The following CABIN1 variants were observed in gnomAD, a reference collection of about 807,000 sequenced individuals.
CABIN1 encodes the protein calcineurin binding protein 1.
In CABIN1, 133 loss-of-function variants were observed where a neutral mutation model predicts 227.7. The observed-to-expected ratio is 0.58, with a 90% CI of 0.51 to 0.67. The LOEUF is 0.67. Ranked by LOEUF, CABIN1 falls within the 30% of genes least tolerant of loss-of-function variation. The pLI is 0.00. For synonymous variants in CABIN1, 1,086 were observed against 1,155.1 expected (o/e 0.94, Z 1.21); for missense variants, 2,408 against 2,852.5 (o/e 0.84, Z 3.55).
intron 28 of CABIN1, among the ~76,000 whole-genome samples, chr22:24,122,176 TTGA>T (rs1316098369): frequency 2.0e-5 from 3 of 152,026 alleles, no homozygotes; most frequent in African/African-American, 7.2e-5. Context: ...GCCCCTTCTC[TTGA>T]TGATTTTTTT....
At chr22:24,051,129 A>G (rs964952829) in intron 8 of CABIN1, among the ~76,000 whole-genome samples, 155 bp downstream of exon 8, 9 of 152,162 alleles carry the variant, frequency 5.9e-5, no homozygotes, top group African/African-American at 2.2e-4. Flanking sequence ...TTGGAGGTGC[A>G]TGCTTACTTG....
intron 6 of CABIN1, among the ~76,000 whole-genome samples, chr22:24,048,548 G>A (rs1947827454): frequency 6.6e-6 from 1 of 152,140 alleles, no homozygotes; most frequent in South Asian, 2.1e-4. Flanking sequence ...AGCCTCCTGA[G>A]TAGCTGAGAC....
intron 29 of CABIN1, chr22:24,155,964 C>T (rs951811616): frequency 1.9e-6 from 1 of 525,892 alleles, no homozygotes; most frequent in Admixed American, 4.2e-5. Flanking sequence ...CCCCGTCCGG[C>T]CGCGCCTGCC....
At chr22:24,060,617 GT>G in intron 12 of CABIN1, among the ~76,000 whole-genome samples, 1 of 152,190 alleles carries the variant, frequency 6.6e-6, no homozygotes, top group East Asian at 1.9e-4. Context: ...TGAGGCTTTT[GT>G]TGTTGTTGTT....
chr22:24,059,452 T>C, intron 11 of CABIN1, 89 bp downstream of exon 11: 1 of 1,505,542 alleles, frequency 6.6e-7, no homozygotes, highest in Non-Finnish European at 9.1e-7. Flanking sequence ...GGGAGAATGG[T>C]TCTGGGGTGT....
chr22:24,136,796 A>T (rs1393523460), intron 29 of CABIN1, among the ~76,000 whole-genome samples: 3 of 151,916 alleles, frequency 2.0e-5, no homozygotes, highest in African/African-American at 7.3e-5. Context: ...CCTATGAAGC[A>T]CTGCCTTGAC....
chr22:24,153,752 C>T (rs2045624355), intron 29 of CABIN1, among the ~76,000 whole-genome samples: 1 of 152,144 alleles, frequency 6.6e-6, no homozygotes, highest in Non-Finnish European at 1.5e-5. Flanking sequence ...ACCAAGGAAG[C>T]TGGAACCCAC....
chr22:24,028,576 C>G (rs2036266048), intron 1 of CABIN1, among the ~76,000 whole-genome samples: 1 of 148,432 alleles, frequency 6.7e-6, no homozygotes, highest in Non-Finnish European at 1.5e-5. Context: ...TCGTTTTTTT[C>G]CAGCCCTTGT....
chr22:24,038,509 G>A, intron 4 of CABIN1, 48 bp downstream of exon 4: 3 of 1,319,726 alleles, frequency 2.3e-6, no homozygotes, highest in Non-Finnish European at 3.3e-6. Context: ...TTAGTGCATG[G>A]GCTGTGGGGC....
In CABIN1 at chr22:24,072,505, A is replaced by G; in HGVS notation, c.2627A>G (p.Glu876Gly). ...CHQQQLQNPA[E>G]EGMSETPMLP... ...CAGCAGCAGCTCCAAAACCCAGCGG[A>G]GGAAGGTGCACAGGCAGTGGGTGCA... The change falls in exon 18 of 37, where the codon GAG (glutamate) becomes GGG (glycine). Residue 876 changes from glutamate to glycine, a missense_variant. By Grantham distance (98) the Glu-to-Gly change is moderately conservative (BLOSUM62 -2). Coordinates refer to ENST00000263119, the MANE Select transcript of CABIN1 (RefSeq NM_012295.4). 6.2e-7 allele frequency: 1 copy of G among 1,614,114 alleles called. No homozygotes were observed. Among genetic ancestry groups the G allele is most frequent in the Non-Finnish European group, 8.5e-7 (1 of 1,180,012 alleles).
chr22:24,038,032 C>T (rs920766309), intron 3 of CABIN1, among the ~76,000 whole-genome samples: 6 of 152,194 alleles, frequency 3.9e-5, no homozygotes, highest in African/African-American at 9.7e-5. Flanking sequence ...ACAGAGCTTC[C>T]GTGCCCTCTC....
chr22:24,042,991 C>G lies in CABIN1; in HGVS notation c.433C>G (p.His145Asp). 6.2e-7 allele frequency: 1 copy of G among 1,613,990 alleles called. No individual in the cohort carries two copies. Among genetic ancestry groups the G allele is most frequent in the Non-Finnish European group, 8.5e-7 (1 of 1,180,014 alleles). ...GCTCATCCGGATCCCCCTGGCTCGC[C>G]ATGCTTTTGAGGAAGGGCTGCGGTG... ...LRLIRIPLAR[H>D]AFEEGLRCNP... The change falls in exon 6 of 37, where the codon CAT becomes GAT. Residue 145 changes from histidine to aspartate, a missense_variant. His to Asp is a moderately conservative substitution (Grantham distance 81). Around this residue, in one of 3 missense-constraint regions of CABIN1, gnomAD observed 1,045 missense variants for 1,168.4 expected, o/e 0.89. Transcript: ENST00000263119.
intron 20 of CABIN1, 96 bp from the exon 21 acceptor site, chr22:24,084,483 T>C: frequency 5.0e-6 from 5 of 999,156 alleles, no homozygotes; most frequent in Non-Finnish European, 6.5e-6. Context: ...TAACCTCATT[T>C]ACATTGGACA....
chr22:24,098,881 A>T (rs748992536), intron 26 of CABIN1, among the ~76,000 whole-genome samples: 5 of 152,200 alleles, frequency 3.3e-5, no homozygotes, highest in African/African-American at 1.2e-4. Flanking sequence ...GAGGACCACT[A>T]AAGTGGAGTC....
intron 12 of CABIN1, among the ~76,000 whole-genome samples, 177 bp downstream of exon 12, chr22:24,060,318 G>A (rs2039099751): frequency 6.6e-6 from 1 of 152,176 alleles, no homozygotes; most frequent in Non-Finnish European, 1.5e-5. Flanking sequence ...TGCCTAGAAA[G>A]CTCCCTGATG....
chr22:24,062,860 A>T, intron 13 of CABIN1, 99 bp from the exon 14 acceptor site: 1 of 1,138,524 alleles, frequency 8.8e-7, no homozygotes, highest in South Asian at 1.2e-5. Flanking sequence ...GCCCCTGGAG[A>T]TAGGGTGGGT....
chr22:24,168,390 G>T (rs2046583120), intron 32 of CABIN1, 57 bp from the exon 33 acceptor site: 3 of 1,503,058 alleles, frequency 2.0e-6, no homozygotes, highest in Non-Finnish European at 2.7e-6. Flanking sequence ...AGACAGGGCT[G>T]GGGGAGGCTA....
At chr22:24,020,960 C>G (rs535427024) in intron 1 of CABIN1, among the ~76,000 whole-genome samples, 2 of 151,878 alleles carry the variant, frequency 1.3e-5, no homozygotes, top group African/African-American at 4.8e-5. Flanking sequence ...TTAGATCAAT[C>G]ATCTGTCTCC....
At chr22:24,098,709 C>T (rs2042039872) in intron 26 of CABIN1, among the ~76,000 whole-genome samples, 1 of 152,124 alleles carries the variant, frequency 6.6e-6, no homozygotes, top group Non-Finnish European at 1.5e-5. Context: ...TGTGGCCATG[C>T]CATGTGGGAT....
Sources: allele counts gnomAD v4.1 joint callset (sites outside exome capture counted in the v4.1 genomes callset), GRCh38; gene constraint gnomAD v4.1.1; regional missense constraint gnomAD v4.1.1; transcripts MANE v1.5; gene names NCBI Gene and HGNC (gene_info 2026-07-23, HGNC 2026-07-21).